Variants in SYN2 observed in about 807,000 individuals in gnomAD.
SYN2 encodes synapsin II.
Under a neutral mutation model 50.9 loss-of-function variants are expected in SYN2, and 19 were observed. The ratio of observed to expected loss-of-function variants is 0.37; its 90% CI spans 0.26 to 0.55. The LOEUF is 0.55. Ranked by LOEUF, SYN2 falls within the 20% of genes least tolerant of loss-of-function variation. The pLI is 0.81. For missense variants in SYN2, 587 were observed against 576.4 expected (o/e 1.02, Z -0.19); for synonymous variants, 255 against 224.9 (o/e 1.13, Z -1.20).
intron 4 of SYN2, 85 bp downstream of exon 4, chr3:12,145,920 G>A: frequency 1.3e-6 from 2 of 1,568,546 alleles, no homozygotes; most frequent in Non-Finnish European, 8.7e-7. Context: ...TCAAGATGCA[G>A]TAGGCCCCAG....
chr3:12,174,575 G>A (rs773458239), intron 10 of SYN2, among the ~76,000 whole-genome samples: 5 of 152,122 alleles, frequency 3.3e-5, no homozygotes, highest in Admixed American at 6.5e-5. Flanking sequence ...ACCGCCTCCC[G>A]GGTTCAAGCG....
chr3:12,080,363 C>T (rs1453247120), intron 1 of SYN2, among the ~76,000 whole-genome samples: 1 of 151,408 alleles, frequency 6.6e-6, no homozygotes, highest in Non-Finnish European at 1.5e-5. Context: ...TTTGTTTGCT[C>T]TTGGTTCTCT....
At chr3:12,180,703 G>A (rs908857115) in intron 10 of SYN2, among the ~76,000 whole-genome samples, 1 of 152,198 alleles carries the variant, frequency 6.6e-6, no homozygotes, top group South Asian at 2.1e-4. Flanking sequence ...CGCCATCAAG[G>A]GTGGCCAAAG....
chr3:12,134,088 G>A (rs1427337352), intron 1 of SYN2, among the ~76,000 whole-genome samples: 1 of 151,194 alleles, frequency 6.6e-6, no homozygotes, highest in Admixed American at 6.5e-5. Context: ...TGGTTAAAAT[G>A]GAAAATGTTG....
intron 4 of SYN2, among the ~76,000 whole-genome samples, chr3:12,147,262 C>T (rs1277493921): frequency 6.6e-6 from 1 of 151,878 alleles, no homozygotes; most frequent in Admixed American, 6.6e-5. Flanking sequence ...TGATCTTGAT[C>T]TTTTTTTTCA....
At chr3:12,039,892 C>T (rs1173318593) in intron 1 of SYN2, among the ~76,000 whole-genome samples, 1 of 152,080 alleles carries the variant, frequency 6.6e-6, no homozygotes. Flanking sequence ...ATGTTTCCTG[C>T]CTTTAAGTAG....
intron 1 of SYN2, among the ~76,000 whole-genome samples, chr3:12,113,798 A>G (rs1287466776): frequency 6.6e-6 from 1 of 152,170 alleles, no homozygotes; most frequent in Non-Finnish European, 1.5e-5. Flanking sequence ...TTATGGCTGA[A>G]TAATATTTCA....
chr3:12,056,168 TG>T lies in SYN2; in HGVS notation c.377+51241del, dbSNP rs200773046. 5.1e-3 allele frequency among the ~76,000 whole-genome samples: 775 copies of T among 150,874 alleles called. 4 individuals carry two copies. Among genetic ancestry groups the T allele is most frequent in the South Asian group, 0.026 (123 of 4,714 alleles). ...AGATTTGGAAGACAAAGTTGTGTTTTGTTTTTTTTTTTTTAAATAGGCAACT... is the reference window on the plus strand; with the variant it reads ...AGATTTGGAAGACAAAGTTGTGTTTTTTTTTTTTTTTTTAAATAGGCAACT... On this transcript the variant is annotated intron_variant, in intron 1 of 12. Transcript: ENST00000621198.
At chr3:12,119,569 G>T (rs547892803) in intron 1 of SYN2, among the ~76,000 whole-genome samples, 97 of 152,144 alleles carry the variant, frequency 6.4e-4, no homozygotes, top group African/African-American at 2.3e-3. Flanking sequence ...AACAGTTTTT[G>T]CATCAGTGCT....
intron 5 of SYN2, chr3:12,154,307 G>C (rs1284655531): frequency 6.2e-7 from 1 of 1,614,142 alleles, no homozygotes; most frequent in Admixed American, 1.7e-5. Flanking sequence ...TAAAGACTTT[G>C]GAAATGGACA....
chr3:12,086,718 AT>A (rs1160941900), intron 1 of SYN2, among the ~76,000 whole-genome samples: 1 of 152,210 alleles, frequency 6.6e-6, no homozygotes, highest in South Asian at 2.1e-4. Context: ...ATGCAGTTCA[AT>A]ACAATAAAGG....
At chr3:12,064,235 A>T (rs566172105) in intron 1 of SYN2, among the ~76,000 whole-genome samples, 3 of 152,204 alleles carry the variant, frequency 2.0e-5, no homozygotes, top group Admixed American at 2.0e-4. Flanking sequence ...AAAATTATCA[A>T]AAACATGGAA....
chr3:12,027,009 C>G (rs1025761684), intron 1 of SYN2, among the ~76,000 whole-genome samples: 1 of 152,096 alleles, frequency 6.6e-6, no homozygotes, highest in African/African-American at 2.4e-5. Flanking sequence ...ACGCGTAATG[C>G]TTGTATAAAA....
At chr3:12,019,322 C>T (rs1036304142) in intron 1 of SYN2, among the ~76,000 whole-genome samples, 1 of 152,132 alleles carries the variant, frequency 6.6e-6, no homozygotes, top group Non-Finnish European at 1.5e-5. Flanking sequence ...TAGAGTGAGC[C>T]CGTGAGCTAA....
At chr3:12,114,776 C>A (rs569098797) in intron 1 of SYN2, among the ~76,000 whole-genome samples, 1 of 152,236 alleles carries the variant, frequency 6.6e-6, no homozygotes, top group African/African-American at 2.4e-5. Flanking sequence ...CTTTGAGCAT[C>A]CCCTCTTCCC....
intron 1 of SYN2, among the ~76,000 whole-genome samples, chr3:12,043,864 A>G (rs1445888667): frequency 2.6e-5 from 4 of 152,112 alleles, no homozygotes; most frequent in Non-Finnish European, 4.4e-5. Context: ...TTCTTTACCT[A>G]ATATTTTATC....
intron 1 of SYN2, among the ~76,000 whole-genome samples, chr3:12,101,641 A>G (rs907237529): frequency 6.6e-6 from 1 of 152,194 alleles, no homozygotes; most frequent in African/African-American, 2.4e-5. Context: ...TGTGAATTCT[A>G]TCTTAATGTC....
chr3:12,077,540 AG>A (rs146149360), intron 1 of SYN2, among the ~76,000 whole-genome samples: 6,813 of 152,190 alleles, frequency 0.045, 549 homozygotes, highest in African/African-American at 0.16. Context: ...CTCATTGTTC[AG>A]CTTCTACTTA....
Position 12,183,393 on chromosome 3 carries a change from G to C in SYN2, c.1369+21G>C, listed in dbSNP as rs751232089. 8.1e-6 allele frequency: 13 copies of C among 1,613,556 alleles called. No homozygotes were observed. Among genetic ancestry groups the C allele is most frequent in the African/African-American group, 1.3e-5 (1 of 74,884 alleles). On this transcript the variant is annotated intron_variant, in intron 11 of 12. Coordinates refer to ENST00000621198, the MANE Select transcript of SYN2 (RefSeq NM_133625.6). The stretch of plus-strand genomic sequence containing the variant: ...TCAAGGTTGTTTACAGTATATTCTC[G>C]ACTGTAATGGCATTGCAGTAGGGCC...
Sources: gnomAD v4.1 joint callset for allele counts (sites outside exome capture counted in the v4.1 genomes callset) on GRCh38, gnomAD v4.1.1 for gene constraint, MANE v1.5 for transcripts, NCBI Gene and HGNC (gene_info 2026-07-23, HGNC 2026-07-21) for gene names.